The following AGBL1 variants were observed in gnomAD, a reference collection of about 807,000 sequenced individuals.
AGBL1 encodes the protein cytosolic carboxypeptidase 4.
A neutral mutation model predicts 118.9 loss-of-function variants in AGBL1; 130 were observed. The observed-to-expected ratio is 1.09, with a 90% CI of 0.95 to 1.26. AGBL1 has a LOEUF of 1.26. Ranked by LOEUF, AGBL1 falls within the 50% of genes most tolerant of loss-of-function variation. The pLI, the probability that AGBL1 is intolerant of heterozygous loss-of-function variation, is 0.00. For synonymous variants in AGBL1, 555 were observed against 478.9 expected, an observed-to-expected ratio of 1.16 and a Z score of -2.08; for missense variants, 1,584 against 1,298.1, an observed-to-expected ratio of 1.22 and a Z score of -3.38.
Position 86,909,334 on chromosome 15 carries a change from C to T in AGBL1, c.*2040C>T, listed in dbSNP as rs951839587. 1 of 152,178 alleles carries T rather than the reference C, an allele frequency of 6.6e-6. No individual in the cohort carries two copies. The highest frequency in any genetic ancestry group is 2.4e-5 in the African/African-American group (1 of 41,456). The allele number at this position is 152,178 out of a possible 1,614,324, so 9.4% of individuals were successfully genotyped here. The stretch of plus-strand genomic sequence containing the variant: ...AGACTTCTCCTGATGTTCCAAACAC[C>T]ACCAAGGGAGTTTTGGATATATCAG... On this transcript the variant is annotated 3_prime_UTR_variant, in exon 23 of 23. Transcript: ENST00000614907.
At chr15:86,919,068 C>T (rs2080458608), downstream of AGBL1, among the ~76,000 whole-genome samples, 1 of 152,156 alleles carries the variant, frequency 6.6e-6, no homozygotes, top group African/African-American at 2.4e-5. Flanking sequence ...GACTTACGCT[C>T]AGAGATCTAT....
chr15:86,835,653 T>C (rs920739599), intron 22 of AGBL1, among the ~76,000 whole-genome samples: 2 of 152,182 alleles, frequency 1.3e-5, no homozygotes, highest in African/African-American at 4.8e-5. Flanking sequence ...GGAATTTCCC[T>C]AACAAGTTAG....
intron 5 of AGBL1, among the ~76,000 whole-genome samples, chr15:86,190,104 T>C (rs1047851011): frequency 5.3e-5 from 8 of 152,226 alleles, no homozygotes; most frequent in African/African-American, 2.4e-5. Flanking sequence ...TTTCATTGCA[T>C]AGTGGTAATA....
intron 18 of AGBL1, among the ~76,000 whole-genome samples, chr15:86,491,021 T>C (rs1477087819): frequency 1.3e-5 from 2 of 152,270 alleles, no homozygotes; most frequent in South Asian, 2.1e-4. Flanking sequence ...TGTCTAGCAC[T>C]GTGGTTATAC....
chr15:86,501,267 A>G (rs1300032673), intron 18 of AGBL1, among the ~76,000 whole-genome samples: 2 of 151,624 alleles, frequency 1.3e-5, no homozygotes, highest in Non-Finnish European at 3.0e-5. Flanking sequence ...GATGTTGAAC[A>G]TCTTGTAATG....
intron 22 of AGBL1, among the ~76,000 whole-genome samples, chr15:86,678,765 A>T (rs1277948630): frequency 6.6e-6 from 1 of 152,182 alleles, no homozygotes; most frequent in African/African-American, 2.4e-5. Flanking sequence ...GAACTGAGGT[A>T]GGCAGGTAGT....
chr15:86,167,112 A>C (rs2077352410), intron 5 of AGBL1, among the ~76,000 whole-genome samples: 1 of 152,212 alleles, frequency 6.6e-6, no homozygotes, highest in African/African-American at 2.4e-5. Context: ...CCTTCCTCAC[A>C]ACACTGTAAC....
chr15:86,454,684 T>C (rs1283812722), intron 18 of AGBL1, among the ~76,000 whole-genome samples: 1 of 152,200 alleles, frequency 6.6e-6, no homozygotes, highest in Non-Finnish European at 1.5e-5. Flanking sequence ...TATGAAATTC[T>C]TTAATAGACA....
At chr15:86,351,097 G>C (rs561507098) in intron 17 of AGBL1, among the ~76,000 whole-genome samples, 94 of 152,242 alleles carry the variant, frequency 6.2e-4, no homozygotes, top group Admixed American at 3.3e-4. Context: ...TGTGCTGCTA[G>C]GCTAGGTAAT....
intron 16 of AGBL1, among the ~76,000 whole-genome samples, chr15:86,288,919 CCTTTATCAAAATAAGAT>C (rs2079500116): frequency 6.6e-6 from 1 of 151,716 alleles, no homozygotes; most frequent in South Asian, 2.1e-4. Context: ...TGAATTGTGC[CCTTTATCAAAATAAGAT>C]CTTAAAATCC....
chr15:86,416,709 A>T (rs981934715), intron 18 of AGBL1, among the ~76,000 whole-genome samples: 4 of 152,188 alleles, frequency 2.6e-5, no homozygotes, highest in African/African-American at 9.7e-5. Flanking sequence ...ATCATCTGAA[A>T]AGCAATTGTT....
intron 5 of AGBL1, among the ~76,000 whole-genome samples, chr15:86,210,796 A>T (rs996107983): frequency 1.3e-5 from 2 of 151,928 alleles, no homozygotes; most frequent in African/African-American, 4.8e-5. Context: ...GTTATTACTG[A>T]CCTTCTGAAG....
intron 18 of AGBL1, among the ~76,000 whole-genome samples, chr15:86,449,486 G>GGTTTT (rs2082167077): frequency 6.6e-6 from 1 of 152,206 alleles, no homozygotes; most frequent in African/African-American, 2.4e-5. Flanking sequence ...GAGATGGCAA[G>GGTTTT]ACCTGGGATT....
At chr15:86,777,581 A>T (rs571500701) in intron 22 of AGBL1, among the ~76,000 whole-genome samples, 2 of 152,230 alleles carry the variant, frequency 1.3e-5, no homozygotes, top group South Asian at 4.1e-4. Flanking sequence ...GAGAATTGGG[A>T]TATTTATGAC....
chr15:86,732,431 C>T (rs973342218), intron 22 of AGBL1, among the ~76,000 whole-genome samples: 1 of 152,076 alleles, frequency 6.6e-6, no homozygotes, highest in Non-Finnish European at 1.5e-5. Flanking sequence ...CTTTTTTTCT[C>T]ATCCTTGTTT....
intron 18 of AGBL1, among the ~76,000 whole-genome samples, chr15:86,416,536 A>T (rs1347795692): frequency 1.3e-5 from 2 of 152,114 alleles, no homozygotes; most frequent in Non-Finnish European, 2.9e-5. Context: ...AGGGCCATTG[A>T]TGTCCATCTG....
chr15:86,296,935 A>T (rs1396035785), intron 17 of AGBL1: 1 of 152,208 alleles, frequency 6.6e-6, no homozygotes, highest in Non-Finnish European at 1.5e-5. Context: ...ATTATGACAT[A>T]GAAGTGCCTC....
At chr15:86,973,530 C>T (rs1226031823) in intron 23 of AGBL1, among the ~76,000 whole-genome samples, 3 of 151,128 alleles carry the variant, frequency 2.0e-5, no homozygotes, top group Non-Finnish European at 3.0e-5. Flanking sequence ...CTAGCATGAT[C>T]GGAAAAAAAT....
chr15:86,337,727 G>A (rs2080395272), intron 17 of AGBL1, among the ~76,000 whole-genome samples: 1 of 152,106 alleles, frequency 6.6e-6, no homozygotes, highest in Non-Finnish European at 1.5e-5. Flanking sequence ...AGGGTGGGGA[G>A]AGCATTAGGG....
Sources: gnomAD v4.1 joint callset for allele counts (sites outside exome capture counted in the v4.1 genomes callset) on GRCh38, gnomAD v4.1.1 for gene constraint, MANE v1.5 for transcripts, NCBI Gene and HGNC (gene_info 2026-07-23, HGNC 2026-07-21) for gene names.